The following USH2A variants were observed in gnomAD, a reference collection of about 807,000 sequenced individuals.
USH2A encodes the protein usherin.
Under a neutral mutation model 538.9 loss-of-function variants are expected in USH2A, and 443 were observed. That is an observed-to-expected ratio of 0.82 (90% CI 0.76 to 0.89). USH2A has a LOEUF of 0.89. USH2A is among the 40% of genes least tolerant of loss of function. The pLI is 0.00. For missense variants in USH2A, 6,633 were observed against 6,324.8 expected, an observed-to-expected ratio of 1.05 and a Z score of -1.65; for synonymous variants, 2,413 against 2,273.5, an observed-to-expected ratio of 1.06 and a Z score of -1.75.
At chr1:216,394,595 C>T (rs575225546) in intron 3 of USH2A, among the ~76,000 whole-genome samples, 1 of 152,050 alleles carries the variant, frequency 6.6e-6, no homozygotes, top group African/African-American at 2.4e-5. Context: ...TTTTATTTGC[C>T]CTTTCAAAAT....
chr1:215,737,816 C>T (rs981334596), intron 60 of USH2A, among the ~76,000 whole-genome samples: 8 of 151,938 alleles, frequency 5.3e-5, no homozygotes, highest in Non-Finnish European at 1.2e-4. Context: ...CTTAATTATC[C>T]ATTTTATAAA....
rs1352865252 is a variant in USH2A at position 216,073,114 on chromosome 1, C to T, written c.5759G>A (p.Gly1920Asp). 1.2e-6 allele frequency: 2 copies of T among 1,613,760 alleles called. No homozygotes were observed. Among genetic ancestry groups the T allele is most frequent in the Middle Eastern group, 1.7e-4 (1 of 6,048 alleles). Residue 1920 changes from glycine to aspartate, a missense_variant, in exon 28 of 72, where the codon GGT (glycine) becomes GAT (aspartate). Transcript: ENST00000307340. ...CACATTACCTGTAAAAGGCTGGAGA[C>T]CACCCTCGTAAACACTCTGCTCTTT... ...QGKEQSVYEG[G>D]LQPFTEYLYR... is the part of the protein sequence containing the mutation.
At chr1:215,857,237 T>C (rs1387197127) in intron 44 of USH2A, among the ~76,000 whole-genome samples, 2 of 152,100 alleles carry the variant, frequency 1.3e-5, no homozygotes, top group African/African-American at 2.4e-5. Flanking sequence ...AGCTATAGCT[T>C]AGATTTTTGG....
At chr1:215,913,412 G>A (rs1665864487) in intron 38 of USH2A, among the ~76,000 whole-genome samples, 1 of 152,110 alleles carries the variant, frequency 6.6e-6, no homozygotes, top group Admixed American at 6.6e-5. Context: ...TGGTATTTAA[G>A]TTTGGACCTG....
intron 56 of USH2A, among the ~76,000 whole-genome samples, chr1:215,764,634 T>C (rs983517773): frequency 9.2e-5 from 14 of 152,144 alleles, no homozygotes; most frequent in African/African-American, 3.4e-4. Flanking sequence ...ACACTTCTTT[T>C]AATTCTTTCC....
intron 38 of USH2A, among the ~76,000 whole-genome samples, chr1:215,901,849 C>T (rs1017925510): frequency 2.0e-5 from 3 of 152,142 alleles, no homozygotes; most frequent in Non-Finnish European, 4.4e-5. Context: ...TATTCAGAAA[C>T]TTGAAAGCAA....
chr1:216,325,666 T>C, intron 5 of USH2A, 67 bp from the exon 6 acceptor site: 1 of 1,485,138 alleles, frequency 6.7e-7, no homozygotes, highest in African/African-American at 1.4e-5. Context: ...CTAGGAGTCG[T>C]TACAAATGAA....
intron 13 of USH2A, among the ~76,000 whole-genome samples, chr1:216,244,068 TCA>T (rs2035986962): frequency 6.7e-5 from 1 of 14,950 alleles, no homozygotes; most frequent in Non-Finnish European, 1.2e-4. Context: ...ACACTGATGC[TCA>T]TGTCAACTTT....
At chr1:215,676,152 T>A (rs1342527859) in intron 62 of USH2A, among the ~76,000 whole-genome samples, 2 of 152,064 alleles carry the variant, frequency 1.3e-5, no homozygotes, top group African/African-American at 4.8e-5. Flanking sequence ...ATTTTATACA[T>A]AAGTACAAAT....
chr1:216,315,033 T>G (rs2102642304), intron 9 of USH2A, among the ~76,000 whole-genome samples: 1 of 152,306 alleles, frequency 6.6e-6, no homozygotes, highest in Middle Eastern at 3.4e-3. Flanking sequence ...AAGTTTCAAC[T>G]GACAACACTT....
intron 44 of USH2A, among the ~76,000 whole-genome samples, chr1:215,864,079 C>T (rs1329036978): frequency 6.6e-6 from 1 of 152,188 alleles, no homozygotes; most frequent in Non-Finnish European, 1.5e-5. Context: ...GGCACTATCT[C>T]TCCACTGTAC....
chr1:215,634,638 C>T lies in USH2A; in HGVS notation c.15118G>A (p.Glu5040Lys), dbSNP rs969737676. ...GCCATTAACACTATGAACCACAGCT[C>T]GCTGTAGAACTCTGTGCTTTTGCTC... ...SRSKSTEFYS[E>K]LWFIVLMAML... Residue 5040 changes from glutamate to lysine, a missense_variant, in exon 70 of 72, where the codon GAG becomes AAG. Physicochemically the swap from Glu to Lys is moderately conservative, Grantham distance 56. Transcript: ENST00000307340. The T allele has an allele frequency of 1.1e-5, 18 of 1,614,114 alleles. No individual in the cohort carries two copies. Among genetic ancestry groups the T allele is most frequent in the Admixed American group, 1.7e-5 (1 of 60,008 alleles).
Position 215,778,215 on chromosome 1 carries a change from C to T in USH2A, c.10939+1628G>A, listed in dbSNP as rs369365684. The stretch of plus-strand genomic sequence containing the variant: ...TACAGATGCACACCACCATGCCCAA[C>T]TGATTTTTGTATTTTTAGTAGAGAC... On this transcript the variant is annotated intron_variant, in intron 55 of 71. Coordinates refer to ENST00000307340, the MANE Select transcript of USH2A (RefSeq NM_206933.4). 2.3e-4 allele frequency among the ~76,000 whole-genome samples: 35 copies of T among 152,226 alleles called. No individual in the cohort carries two copies. The East Asian group carries it at 3.3e-3, about 14-fold the overall frequency.
intron 61 of USH2A, among the ~76,000 whole-genome samples, chr1:215,685,579 AACTTCGG>A (rs1320234523): frequency 6.6e-6 from 1 of 152,038 alleles, no homozygotes; most frequent in Non-Finnish European, 1.5e-5. Context: ...GTTGGTCTTG[AACTTCGG>A]ACTTCAGGTG....
chr1:216,309,625 G>C (rs1388585758), intron 9 of USH2A, among the ~76,000 whole-genome samples: 1 of 151,966 alleles, frequency 6.6e-6, no homozygotes, highest in African/African-American at 2.4e-5. Flanking sequence ...TCTTATTCCT[G>C]ATCTTAGTAG....
In USH2A at chr1:215,790,108, G is replaced by A. The variant is rs1253377260; in HGVS notation, c.10133C>T (p.Pro3378Leu). The stretch of plus-strand genomic sequence containing the variant: ...CTTGTCAGAGCAAACATATTTCAAA[G>A]GATTATATCCAACTCCATTACAGCA... ...QKCCNGVGYNPLKYVCSDKIS... is the reference protein window; with the variant it reads ...QKCCNGVGYNLLKYVCSDKIS... Residue 3378 changes from proline (P) to leucine (L), a missense_variant, in exon 51 of 72, where the codon CCT (proline) becomes CTT (leucine). By Grantham distance (98) the Pro-to-Leu change is moderately conservative (BLOSUM62 -3). Coordinates refer to ENST00000307340, the MANE Select transcript of USH2A (RefSeq NM_206933.4). 5.0e-6 allele frequency: 8 copies of A among 1,612,978 alleles called. No individual in the cohort carries two copies. The Admixed American group carries it at 5.0e-5, about 10-fold the overall frequency.
At chr1:215,927,058 T>G (rs571124562) in intron 38 of USH2A, among the ~76,000 whole-genome samples, 23 of 152,266 alleles carry the variant, frequency 1.5e-4, no homozygotes, top group African/African-American at 4.6e-4. Context: ...GTCAGCTGTA[T>G]TTTTTAAACC....
At chr1:216,271,319 C>T (rs1269732326) in intron 11 of USH2A, among the ~76,000 whole-genome samples, 2 of 152,104 alleles carry the variant, frequency 1.3e-5, no homozygotes, top group Non-Finnish European at 2.9e-5. Flanking sequence ...TGCATTTGCA[C>T]ATCAAACATC....
chr1:216,276,190 A>G lies in USH2A; in HGVS notation c.1971+13090T>C, dbSNP rs138210879. Among the ~76,000 whole-genome samples, 12 of 152,286 alleles carry G rather than the reference A, an allele frequency of 7.9e-5. No homozygotes were observed. In the East Asian group the frequency reaches 1.5e-3, roughly 20 times the overall value. The stretch of plus-strand genomic sequence containing the variant: ...TAATAACTGCTTTACCAGCTTTGGT[A>G]AGGACTGAATTAATGAACTACAATG... On this transcript the variant is annotated intron_variant, in intron 11 of 71. Transcript: ENST00000307340.
Sources: gnomAD v4.1 joint callset for allele counts (sites outside exome capture counted in the v4.1 genomes callset) on GRCh38, gnomAD v4.1.1 for gene constraint, MANE v1.5 for transcripts, NCBI Gene and HGNC (gene_info 2026-07-23, HGNC 2026-07-21) for gene names.